Variants in SEC31A observed in about 807,000 individuals in gnomAD.
SEC31A encodes the protein protein transport protein Sec31A.
Under a neutral mutation model 151.0 loss-of-function variants are expected in SEC31A, and 70 were observed. The ratio of observed to expected loss-of-function variants is 0.46; its 90% confidence interval spans 0.38 to 0.57. SEC31A has a LOEUF of 0.57. SEC31A is among the 20% of genes least tolerant of loss of function. The pLI is 0.00. For missense variants in SEC31A, 1,330 were observed against 1,471.2 expected (o/e 0.90, Z 1.57); for synonymous variants, 475 against 505.9 (o/e 0.94, Z 0.82).
At position 82,861,693 on chromosome 4, in the gene SEC31A, C is replaced by A; in HGVS notation, c.1564G>T (p.Asp522Tyr). Residue 522 changes from aspartate to tyrosine, a missense_variant, in exon 14 of 27, where the codon GAC becomes TAC. By Grantham distance (160) the Asp-to-Tyr change is radical. Transcript: ENST00000395310. ...DGANVALKDS[D>Y]QVAQSDGEES... The stretch of plus-strand genomic sequence containing the variant: ...TCCCCATCACTCTGTGCTACTTGGT[C>A]AGAGTCTTTAAGAGCCTTTGGTACA... 1 of 1,609,694 alleles carries A rather than the reference C, an allele frequency of 6.2e-7. No individual in the cohort carries two copies. Among genetic ancestry groups the A allele is most frequent in the South Asian group, 1.1e-5 (1 of 90,604 alleles).
chr4:82,832,382 T>C (rs1726148263), intron 22 of SEC31A, among the ~76,000 whole-genome samples: 1 of 152,072 alleles, frequency 6.6e-6, no homozygotes, highest in Non-Finnish European at 1.5e-5. Context: ...CTGGACCCCT[T>C]CCTTACACCC....
Position 82,828,996 on chromosome 4 carries a change from G to A in SEC31A, c.3027+4C>T. The stretch of plus-strand genomic sequence containing the variant: ...GCCATTGGATGGACATCTTTTTCTA[G>A]TACCTTCTTCTTTTTGGGTACTCTG... On this transcript the variant is annotated splice_donor_region_variant and intron_variant, in intron 23 of 26. Coordinates refer to ENST00000395310, the MANE Select transcript of SEC31A (RefSeq NM_001077207.4). The A allele has an allele frequency of 6.2e-7, 1 of 1,612,618 alleles. No homozygotes were observed. The highest frequency in any genetic ancestry group is 8.5e-7 in the Non-Finnish European group (1 of 1,178,770).
At chr4:82,830,970 G>A in intron 22 of SEC31A, 1 of 1,204,948 alleles carries the variant, frequency 8.3e-7, no homozygotes, top group Non-Finnish European at 1.1e-6. Flanking sequence ...TGGATAGACT[G>A]GTTTTCTGTA....
chr4:82,863,329 G>T lies in SEC31A; in HGVS notation c.1498C>A (p.Leu500Ile), dbSNP rs149657296. The T allele has an allele frequency of 6.4e-6, 10 of 1,571,720 alleles. No homozygotes were observed. The highest frequency in any genetic ancestry group is 8.6e-6 in the Non-Finnish European group (10 of 1,158,734). ...LELLGYRKED[L>I]GKKIALALNK... Reference sequence around the variant, plus strand: ...TCCCAAAAGTTTACCTTCTTTCCTAGATCTTCTTTTCTGTATCCTAGAAGT... The same window carrying T: ...TCCCAAAAGTTTACCTTCTTTCCTATATCTTCTTTTCTGTATCCTAGAAGT... The change falls in exon 12 of 27, where the codon CTA becomes ATA. Residue 500 changes from leucine (L) to isoleucine (I), a missense_variant. Coordinates refer to ENST00000395310, the MANE Select transcript of SEC31A (RefSeq NM_001077207.4).
rs373015361 is a variant in SEC31A, at chr4:82,852,082, T to A, written c.2155-478A>T. On this transcript the variant is annotated intron_variant, in intron 18 of 26. Transcript: ENST00000395310. ...AGGTAATTGAATCATGGGTCAGGTT[T>A]TTCCAGTGCTGTTCTCTTGACAGTG... Among the ~76,000 whole-genome samples the A allele has an allele frequency of 1.4e-4, 21 of 152,236 alleles. No individual in the cohort carries two copies. In the South Asian group the frequency reaches 4.4e-3, roughly 32 times the overall value.
At chr4:82,823,290 G>A (rs529829161) in intron 25 of SEC31A, among the ~76,000 whole-genome samples, 1 of 152,312 alleles carries the variant, frequency 6.6e-6, no homozygotes, top group South Asian at 2.1e-4. Context: ...TTATTCAGAT[G>A]CTTCCATTTT....
Position 82,878,943 on chromosome 4 carries a change from G to A in SEC31A, c.204-15C>T, listed in dbSNP as rs779936823. The A allele has an allele frequency of 6.3e-7, 1 of 1,581,336 alleles. No individual in the cohort carries two copies. The highest frequency in any genetic ancestry group is 8.7e-7 in the Non-Finnish European group (1 of 1,155,464). Reference sequence around the variant, plus strand: ...ACTTGTGGTACCTACAGGAGAAAATGAATAAAATCATTCATTCTTAAAGTC... The same window carrying A: ...ACTTGTGGTACCTACAGGAGAAAATAAATAAAATCATTCATTCTTAAAGTC... On this transcript the variant is annotated splice_polypyrimidine_tract_variant and intron_variant, in intron 3 of 26. Coordinates refer to ENST00000395310, the MANE Select transcript of SEC31A (RefSeq NM_001077207.4).
intron 1 of SEC31A, chr4:82,890,864 T>C (rs1272853076): frequency 2.2e-6 from 3 of 1,384,042 alleles, no homozygotes; most frequent in African/African-American, 3.0e-5. Flanking sequence ...TGCTCAGCAG[T>C]GGAGACGTCG....
intron 22 of SEC31A, among the ~76,000 whole-genome samples, chr4:82,830,625 C>T (rs997667435): frequency 2.0e-5 from 3 of 152,196 alleles, no homozygotes; most frequent in African/African-American, 7.2e-5. Context: ...TCTGGTTCTA[C>T]ATAGATTAAT....
At chr4:82,872,109 T>A (rs1736813045) in intron 6 of SEC31A, 23 bp from the exon 7 acceptor site, 1 of 1,578,984 alleles carries the variant, frequency 6.3e-7, no homozygotes, top group African/African-American at 1.3e-5. Context: ...AAGGTTCACA[T>A]TTTATGAATC....
At chr4:82,820,290 G>C (rs997343709) in intron 26 of SEC31A, among the ~76,000 whole-genome samples, 1 of 151,960 alleles carries the variant, frequency 6.6e-6, no homozygotes, top group African/African-American at 2.4e-5. Flanking sequence ...TTTTGGATCA[G>C]TCCAAGGACC....
Position 82,829,126 on chromosome 4 carries a change from T to C in SEC31A, c.2969-68A>G, listed in dbSNP as rs1725333172. 5 of 1,302,870 alleles carry C rather than the reference T, an allele frequency of 3.8e-6. No individual in the cohort carries two copies. In the Admixed American group the frequency reaches 8.6e-5, roughly 23 times the overall value. The allele number at this position is 1,302,870 out of a possible 1,614,324, so 80.7% of individuals were successfully genotyped here. A position where few individuals can be genotyped will look rare whatever the true frequency, so the allele number is the denominator to read the frequency against. On this transcript the variant is annotated intron_variant, in intron 22 of 26. Transcript: ENST00000395310. ...AGGAAAAAAAATAAAACTGAATCGA[T>C]CACCTAATACTTCAAAATTCTGCCT... is the stretch of plus-strand genomic sequence containing the variant.
intron 13 of SEC31A, 114 bp downstream of exon 13, chr4:82,862,420 G>A (rs557864042): frequency 6.3e-5 from 44 of 693,106 alleles, no homozygotes; most frequent in South Asian, 4.7e-4. Flanking sequence ...TCTAGAATAA[G>A]CATTTATTTT....
At chr4:82,819,590 T>C (rs1021793195) in intron 26 of SEC31A, among the ~76,000 whole-genome samples, 1 of 152,134 alleles carries the variant, frequency 6.6e-6, no homozygotes, top group African/African-American at 2.4e-5. Context: ...AATTCTCCTA[T>C]GCACAAAAAG....
intron 7 of SEC31A, chr4:82,871,412 T>A: frequency 1.3e-6 from 2 of 1,518,504 alleles, no homozygotes; most frequent in Non-Finnish European, 1.8e-6. Context: ...CGTTACTTAA[T>A]TTAGGAACTG....
intron 3 of SEC31A, among the ~76,000 whole-genome samples, chr4:82,899,302 A>T (rs1720203676): frequency 6.6e-6 from 1 of 152,370 alleles, no homozygotes; most frequent in South Asian, 2.1e-4. Context: ...CTGTGCATAT[A>T]CTAAAACCCA....
At chr4:82,839,275 C>T (rs532542175) in intron 22 of SEC31A, among the ~76,000 whole-genome samples, 11 of 152,234 alleles carry the variant, frequency 7.2e-5, no homozygotes, top group East Asian at 5.8e-4. Flanking sequence ...CTCAGCTTCC[C>T]GAGTAGCTGG....
At chr4:82,866,195 G>T (rs1322101326) in intron 10 of SEC31A, among the ~76,000 whole-genome samples, 1 of 152,116 alleles carries the variant, frequency 6.6e-6, no homozygotes, top group Non-Finnish European at 1.5e-5. Flanking sequence ...GGAGGGCCGG[G>T]TGCAGTGACT....
chr4:82,881,046 G>A (rs770165305), intron 2 of SEC31A, 124 bp from the exon 3 acceptor site: 12 of 748,842 alleles, frequency 1.6e-5, no homozygotes, highest in South Asian at 1.1e-4. Flanking sequence ...ATATGCCATT[G>A]AGCAGATGCT....
Sources: allele counts gnomAD v4.1 joint callset (sites outside exome capture counted in the v4.1 genomes callset), GRCh38; gene constraint gnomAD v4.1.1; transcripts MANE v1.5; gene names NCBI Gene and HGNC (gene_info 2026-07-23, HGNC 2026-07-21).